The following PABPC4L variants were observed in gnomAD, a reference collection of about 807,000 sequenced individuals.
PABPC4L encodes the protein polyadenylate-binding protein 4-like.
For missense variants in PABPC4L, 452 were observed against 451.4 expected, an observed-to-expected ratio of 1.00 and a Z score of -0.01; for synonymous variants, 169 against 164.1, an observed-to-expected ratio of 1.03 and a Z score of -0.23.
the PABPC4L span, among the ~76,000 whole-genome samples, chr4:134,122,586 A>C: frequency 6.6e-6 from 1 of 151,846 alleles, no homozygotes; most frequent in Non-Finnish European, 1.5e-5. Flanking sequence ...AATGCATTCA[A>C]AATGTTGAAA....
the PABPC4L span, among the ~76,000 whole-genome samples, chr4:133,995,673 G>C: frequency 5.9e-5 from 9 of 152,100 alleles, no homozygotes; most frequent in Non-Finnish European, 1.3e-4. Context: ...CTTGTGCATA[G>C]GTTTGGGAAG....
chr4:134,112,007 A>G, the PABPC4L span, among the ~76,000 whole-genome samples: 108 of 152,156 alleles, frequency 7.1e-4, 1 homozygote, highest in Middle Eastern at 6.8e-3. Context: ...AAAATCAAAT[A>G]TGAAATATCA....
chr4:134,130,934 C>A, the PABPC4L span, among the ~76,000 whole-genome samples: 1 of 151,864 alleles, frequency 6.6e-6, no homozygotes, highest in Admixed American at 6.6e-5. Flanking sequence ...GAATTAAAAA[C>A]AAAAATCACA....
chr4:134,075,316 G>T, the PABPC4L span, among the ~76,000 whole-genome samples: 12 of 152,078 alleles, frequency 7.9e-5, no homozygotes, highest in Non-Finnish European at 1.6e-4. Flanking sequence ...AGAGCTGAGA[G>T]GCCAAGGTTT....
chr4:134,041,174 C>T, the PABPC4L span, among the ~76,000 whole-genome samples: 1 of 152,062 alleles, frequency 6.6e-6, no homozygotes, highest in Non-Finnish European at 1.5e-5. Flanking sequence ...GGTGACTCCT[C>T]AAGGATCTGG....
the PABPC4L span, among the ~76,000 whole-genome samples, chr4:134,127,853 C>T: frequency 1.3e-5 from 2 of 151,922 alleles, no homozygotes; most frequent in Non-Finnish European, 2.9e-5. Context: ...TTAAGCTAAT[C>T]AAGGAGGCAC....
At chr4:134,118,358 A>C in the PABPC4L span, among the ~76,000 whole-genome samples, 1 of 151,850 alleles carries the variant, frequency 6.6e-6, no homozygotes, top group Non-Finnish European at 1.5e-5. Flanking sequence ...GTCTATGTGG[A>C]ATAGCACACT....
the PABPC4L span, among the ~76,000 whole-genome samples, chr4:134,144,787 G>A: frequency 0.99 from 150,157 of 151,780 alleles, 74,282 homozygotes; most frequent in East Asian, 1. Flanking sequence ...ATTCAGTTAC[G>A]TTAAAATTAT....
the PABPC4L span, among the ~76,000 whole-genome samples, chr4:133,953,113 TA>T: frequency 4.6e-5 from 7 of 152,310 alleles, no homozygotes; most frequent in African/African-American, 1.7e-4. Flanking sequence ...TCAAAATTCA[TA>T]AAGGGGATCA....
the PABPC4L span, among the ~76,000 whole-genome samples, chr4:134,046,332 C>A: frequency 6.6e-6 from 1 of 152,176 alleles, no homozygotes; most frequent in Non-Finnish European, 1.5e-5. Context: ...TTATGCTTCT[C>A]TCCACCCAAA....
the PABPC4L span, among the ~76,000 whole-genome samples, chr4:134,078,266 T>G: frequency 6.6e-6 from 1 of 152,132 alleles, no homozygotes; most frequent in African/African-American, 2.4e-5. Flanking sequence ...TCCCTGAACT[T>G]TTCCATAAAT....
At chr4:134,117,306 G>T in the PABPC4L span, among the ~76,000 whole-genome samples, 2 of 151,706 alleles carry the variant, frequency 1.3e-5, no homozygotes, top group Non-Finnish European at 2.9e-5. Flanking sequence ...TTACTTTCTG[G>T]AACATTCACT....
the PABPC4L span, among the ~76,000 whole-genome samples, chr4:134,177,142 C>G: frequency 6.6e-6 from 1 of 151,812 alleles, no homozygotes; most frequent in Admixed American, 6.6e-5. Flanking sequence ...TGGACAACCC[C>G]TGCTAGAGCT....
the PABPC4L span, among the ~76,000 whole-genome samples, chr4:134,162,536 ACT>A: frequency 1.9e-4 from 27 of 145,526 alleles, no homozygotes; most frequent in African/African-American, 6.2e-4. Context: ...TGCACAGAAC[ACT>A]CTACTCTAGA....
At chr4:134,038,471 G>A in the PABPC4L span, among the ~76,000 whole-genome samples, 1 of 151,926 alleles carries the variant, frequency 6.6e-6, no homozygotes, top group Non-Finnish European at 1.5e-5. Flanking sequence ...TTGGTTGGTA[G>A]GCTATTAATT....
chr4:133,961,001 G>A, the PABPC4L span, among the ~76,000 whole-genome samples: 18 of 152,158 alleles, frequency 1.2e-4, no homozygotes, highest in African/African-American at 3.4e-4. Context: ...AAAAAAGAGC[G>A]TGTACTCTTG....
At chr4:134,135,050 T>A in the PABPC4L span, among the ~76,000 whole-genome samples, 5 of 152,098 alleles carry the variant, frequency 3.3e-5, no homozygotes, top group African/African-American at 1.2e-4. Flanking sequence ...TTAATACATA[T>A]ACTAAACAAT....
the PABPC4L span, among the ~76,000 whole-genome samples, chr4:133,982,955 T>C: frequency 5.3e-5 from 8 of 152,004 alleles, no homozygotes; most frequent in Admixed American, 3.3e-4. Flanking sequence ...TGAACATTTT[T>C]AAACTGTAAA....
chr4:134,062,713 G>A, the PABPC4L span, among the ~76,000 whole-genome samples: 3 of 152,012 alleles, frequency 2.0e-5, no homozygotes, highest in African/African-American at 7.2e-5. Flanking sequence ...CTATAAAGCT[G>A]TTATAAAAAT....
Sources: allele counts gnomAD v4.1 joint callset (sites outside exome capture counted in the v4.1 genomes callset), GRCh38; gene constraint gnomAD v4.1.1; transcripts MANE v1.5; gene names NCBI Gene and HGNC (gene_info 2026-07-23, HGNC 2026-07-21).